CACUL1: variants seen among roughly 807,000 people sequenced by gnomAD.
CACUL1 encodes CDK2-associated and cullin domain-containing protein 1.
CACUL1 carries 13 observed loss-of-function variants against 45.2 expected under a neutral mutation model. The ratio of observed to expected loss-of-function variants is 0.29; its 90% CI spans 0.19 to 0.46. The LOEUF (loss-of-function observed/expected upper bound fraction) is 0.46. Among genes scored for constraint, CACUL1 ranks in the 20% least tolerant of loss-of-function variants. The pLI, the probability that CACUL1 is intolerant of heterozygous loss-of-function variation, is 1.00. For missense variants in CACUL1, 421 were observed against 471.4 expected (o/e 0.89, Z 0.99); for synonymous variants, 197 against 174.2 (o/e 1.13, Z -1.03).
chr10:118,715,540 A>G (rs768462073), intron 3 of CACUL1, among the ~76,000 whole-genome samples: 1 of 152,210 alleles, frequency 6.6e-6, no homozygotes, highest in African/African-American at 2.4e-5. Flanking sequence ...ACCACTGGCC[A>G]CGTTTGGCTA....
intron 3 of CACUL1, among the ~76,000 whole-genome samples, chr10:118,728,562 T>C (rs1212896565): frequency 6.6e-6 from 1 of 152,160 alleles, no homozygotes; most frequent in Non-Finnish European, 1.5e-5. Context: ...GTGCTGGGAT[T>C]GCTGAGTGAT....
chr10:118,745,429 G>A (rs1296051719), intron 1 of CACUL1, among the ~76,000 whole-genome samples: 1 of 152,098 alleles, frequency 6.6e-6, no homozygotes, highest in African/African-American at 2.4e-5. Flanking sequence ...GGGTGTGGTG[G>A]CACATGACTG....
chr10:118,686,851 C>A, intron 7 of CACUL1: 1 of 533,196 alleles, frequency 1.9e-6, no homozygotes. Flanking sequence ...TTAACCAGTT[C>A]ATCCTCAAAC....
Position 118,678,556 on chromosome 10 carries a change from T to C in CACUL1, c.*7572A>G, listed in dbSNP as rs1174861901. 1 of 152,224 alleles carries C rather than the reference T, an allele frequency of 6.6e-6. No individual in the cohort carries two copies. The highest frequency in any genetic ancestry group is 1.5e-5 in the Non-Finnish European group (1 of 68,042). The allele number at this position is 152,224 out of a possible 1,614,324, so 9.4% of individuals were successfully genotyped here. A position where few individuals can be genotyped will look rare whatever the true frequency, so the allele number is the denominator to read the frequency against. ...TTGGAATTGCAATTTGGAGAAAAAG[T>C]TGAGATTTAGATAATATTGAGTGTT... On this transcript the variant is annotated 3_prime_UTR_variant, in exon 9 of 9. Coordinates refer to ENST00000369151, the MANE Select transcript of CACUL1 (RefSeq NM_153810.5).
chr10:118,740,061 C>T (rs1845778359), intron 1 of CACUL1, among the ~76,000 whole-genome samples: 2 of 152,182 alleles, frequency 1.3e-5, no homozygotes, highest in Admixed American at 6.5e-5. Flanking sequence ...GTGGGAGGAT[C>T]GCTTGAACTT....
chr10:118,701,239 CAAAA>C, intron 5 of CACUL1, 63 bp downstream of exon 5: 1 of 756,212 alleles, frequency 1.3e-6, no homozygotes, highest in Non-Finnish European at 2.0e-6. Context: ...GCTCTCAGAC[CAAAA>C]AAAAAAGAAA....
rs73423912 is a variant in CACUL1, at chr10:118,680,651, C to T, written c.*5477G>A. On this transcript the variant is annotated 3_prime_UTR_variant, in exon 9 of 9. Coordinates refer to ENST00000369151, the MANE Select transcript of CACUL1 (RefSeq NM_153810.5). ...CTAAGTCCAAAAGTTGATTAAAGGT[C>T]CACAGAAGAAACTGTACAGTGTTTA... is the stretch of plus-strand genomic sequence containing the variant. 286 of 152,276 alleles carry T rather than the reference C, an allele frequency of 1.9e-3. No individual in the cohort carries two copies. Among genetic ancestry groups the T allele is most frequent in the African/African-American group, 6.1e-3 (255 of 41,548 alleles). 9.4% of individuals were successfully genotyped at this position (152,276 alleles called of 1,614,324 possible). A position where few individuals can be genotyped will look rare whatever the true frequency, so the allele number is the denominator to read the frequency against.
intron 4 of CACUL1, among the ~76,000 whole-genome samples, chr10:118,706,752 A>G (rs750584107): frequency 2.6e-5 from 4 of 152,248 alleles, no homozygotes; most frequent in Non-Finnish European, 5.9e-5. Flanking sequence ...AAAATCAGGA[A>G]GCACTACATG....
intron 7 of CACUL1, among the ~76,000 whole-genome samples, chr10:118,688,139 G>A (rs1467798723): frequency 7.2e-5 from 11 of 152,180 alleles, no homozygotes; most frequent in East Asian, 1.9e-4. Flanking sequence ...TCAACTGACC[G>A]GCAGAAAGAG....
Position 118,691,354 on chromosome 10 carries a change from A to T in CACUL1, c.936T>A (p.Ile312=). 6.2e-7 allele frequency: 1 copy of T among 1,612,868 alleles called. No homozygotes were observed. Among genetic ancestry groups the T allele is most frequent in the Non-Finnish European group, 8.5e-7 (1 of 1,178,910 alleles). The change falls in exon 7 of 9, where the codon ATT becomes ATA. Residue 312 remains isoleucine (I), a synonymous_variant. Transcript: ENST00000369151. ...GTTCAGATTCCACCGCCGGAGGGAG[A>T]ATGTTTGGAATAAATTTAGAAAATA... ...PTLFSKFIPN[I]LPPAVESELS...
At chr10:118,751,432 T>C (rs192718324) in intron 1 of CACUL1, among the ~76,000 whole-genome samples, 4 of 152,336 alleles carry the variant, frequency 2.6e-5, no homozygotes, top group Non-Finnish European at 4.4e-5. Context: ...ATTTTTTCTC[T>C]ATATAGTGAG....
In CACUL1 at chr10:118,707,607, T is replaced by G. The variant is rs770966196; in HGVS notation, c.598-20A>C. On this transcript the variant is annotated intron_variant, in intron 3 of 8. Transcript: ENST00000369151. ...GCTGGCCTGTGAGAAAGAACAGAAG[T>G]GTGATCAATCTGGGAAACCAGGGAA... The G allele has an allele frequency of 1.7e-6, 2 of 1,211,136 alleles. No homozygotes were observed. The highest frequency in any genetic ancestry group is 2.4e-6 in the Non-Finnish European group (2 of 830,626). 75.0% of individuals were successfully genotyped at this position (1,211,136 alleles called of 1,614,324 possible). A position where few individuals can be genotyped will look rare whatever the true frequency, so the allele number is the denominator to read the frequency against.
At chr10:118,733,894 G>A (rs1330455311) in intron 1 of CACUL1, among the ~76,000 whole-genome samples, 1 of 152,094 alleles carries the variant, frequency 6.6e-6, no homozygotes, top group Non-Finnish European at 1.5e-5. Flanking sequence ...ATGCACACCT[G>A]TGGTCTCAGC....
intron 5 of CACUL1, among the ~76,000 whole-genome samples, chr10:118,696,254 G>A (rs1845321078): frequency 6.6e-6 from 1 of 152,046 alleles, no homozygotes. Context: ...TGGCTCCCCT[G>A]GCCCACACTA....
intron 5 of CACUL1, among the ~76,000 whole-genome samples, chr10:118,699,051 C>G (rs1304578956): frequency 1.3e-5 from 2 of 152,220 alleles, no homozygotes; most frequent in Non-Finnish European, 2.9e-5. Flanking sequence ...GAGGTAATGA[C>G]TATACCTATC....
chr10:118,740,558 C>T (rs1045996713), intron 1 of CACUL1, among the ~76,000 whole-genome samples: 2 of 149,518 alleles, frequency 1.3e-5, no homozygotes, highest in East Asian at 2.0e-4. Flanking sequence ...TACAGTGAGC[C>T]GAGATCACGC....
chr10:118,685,948 T>TC lies in CACUL1; in HGVS notation c.*179_*180insG, dbSNP rs2119538818. 2.4e-6 allele frequency: 1 copy of TC among 412,044 alleles called. No homozygotes were observed. The highest frequency in any genetic ancestry group is 3.5e-5 in the East Asian group (1 of 28,510). 25.5% of individuals were successfully genotyped at this position (412,044 alleles called of 1,614,324 possible). On this transcript the variant is annotated 3_prime_UTR_variant, in exon 9 of 9. Transcript: ENST00000369151. ...ACCCCCAAGTCTAGCAGCAACGTTT[T>TC]TTTTTTTTTTAGTTTTTGTTTTAAA...
chr10:118,744,494 G>C (rs374839137), intron 1 of CACUL1, among the ~76,000 whole-genome samples: 1 of 152,174 alleles, frequency 6.6e-6, no homozygotes. Context: ...GTGAGGAAAC[G>C]GAACTAATTG....
At chr10:118,711,595 A>G (rs188249494) in intron 3 of CACUL1, among the ~76,000 whole-genome samples, 1 of 152,348 alleles carries the variant, frequency 6.6e-6, no homozygotes, top group East Asian at 1.9e-4. Context: ...CTGTTGCATT[A>G]AAATAATGTT....
Sources: gnomAD v4.1 joint callset for allele counts (sites outside exome capture counted in the v4.1 genomes callset) on GRCh38, gnomAD v4.1.1 for gene constraint, MANE v1.5 for transcripts, NCBI Gene and HGNC (gene_info 2026-07-23, HGNC 2026-07-21) for gene names.